Variants in CBFA2T2 observed in about 807,000 individuals in gnomAD.
CBFA2T2 encodes CBFA2/RUNX1 partner transcriptional co-repressor 2, also known as protein CBFA2T2.
CBFA2T2 carries 11 observed loss-of-function variants against 62.2 expected under a neutral mutation model. The observed-to-expected ratio is 0.18, with a 90% confidence interval of 0.11 to 0.29. The LOEUF is 0.29. Among genes scored for constraint, CBFA2T2 ranks in the 10% least tolerant of loss-of-function variants. The probability of loss-of-function intolerance (pLI) is 1.00; values close to 1 mark genes in which losing one functional copy is unlikely to be tolerated. For synonymous variants in CBFA2T2, 295 were observed against 287.5 expected (o/e 1.03, Z -0.27); for missense variants, 592 against 774.1 (o/e 0.76, Z 2.79).
intron 9 of CBFA2T2, 51 bp from the exon 10 acceptor site, chr20:33,640,290 G>A (rs1204813153): frequency 1.3e-6 from 2 of 1,536,892 alleles, no homozygotes; most frequent in Admixed American, 3.6e-5. Flanking sequence ...GCCGTGGGAT[G>A]GGAGGGAAAA....
chr20:33,508,391 C>T (rs1021600028), intron 1 of CBFA2T2, among the ~76,000 whole-genome samples: 5 of 151,946 alleles, frequency 3.3e-5, no homozygotes, highest in South Asian at 2.1e-4. Flanking sequence ...TACTGCACCC[C>T]GCCTGCCTTT....
intron 1 of CBFA2T2, among the ~76,000 whole-genome samples, chr20:33,559,306 T>A (rs987157676): frequency 6.6e-6 from 1 of 151,526 alleles, no homozygotes; most frequent in Non-Finnish European, 1.5e-5. Flanking sequence ...CCTGAGTAGC[T>A]GGAACTATAG....
intron 1 of CBFA2T2, among the ~76,000 whole-genome samples, chr20:33,537,233 C>G (rs183929448): frequency 1.3e-5 from 2 of 152,378 alleles, no homozygotes; most frequent in African/African-American, 4.8e-5. Context: ...GTCTGCAATC[C>G]CGGCACCTCG....
At chr20:33,512,603 A>G (rs2011529354) in intron 1 of CBFA2T2, among the ~76,000 whole-genome samples, 1 of 152,006 alleles carries the variant, frequency 6.6e-6, no homozygotes, top group Admixed American at 6.6e-5. Flanking sequence ...CCATTCTCAA[A>G]TTTCTGTCTA....
intron 1 of CBFA2T2, among the ~76,000 whole-genome samples, chr20:33,558,614 G>A (rs184960937): frequency 2.0e-5 from 3 of 151,944 alleles, no homozygotes; most frequent in South Asian, 2.1e-4. Flanking sequence ...TTGCTCAATC[G>A]TATTGTTTTA....
chr20:33,547,599 T>C (rs935126443), intron 1 of CBFA2T2, among the ~76,000 whole-genome samples: 22 of 151,758 alleles, frequency 1.4e-4, no homozygotes, highest in African/African-American at 5.1e-4. Context: ...GAGGATCACT[T>C]GAGGTGAGGA....
At chr20:33,518,831 C>CT (rs933803370) in intron 1 of CBFA2T2, among the ~76,000 whole-genome samples, 7 of 148,116 alleles carry the variant, frequency 4.7e-5, no homozygotes, top group Non-Finnish European at 6.0e-5. Context: ...TCTTTCTCTT[C>CT]TTTTTTTTGA....
chr20:33,508,681 T>G (rs1271269552), intron 1 of CBFA2T2, among the ~76,000 whole-genome samples: 1 of 152,204 alleles, frequency 6.6e-6, no homozygotes, highest in African/African-American at 2.4e-5. Flanking sequence ...ATGCGGTATT[T>G]GCTTTTCTTT....
chr20:33,511,371 A>T lies in CBFA2T2; in HGVS notation c.34+21070A>T, dbSNP rs1014113926. Among the ~76,000 whole-genome samples the T allele has an allele frequency of 5.9e-5, 9 of 152,310 alleles. No individual in the cohort carries two copies. The East Asian group carries it at 1.5e-3, about 26-fold the overall frequency. On this transcript the variant is annotated intron_variant, in intron 1 of 10. Coordinates refer to ENST00000342704, the MANE Select transcript of CBFA2T2 (RefSeq NM_001032999.3). ...CTACATATGGCTAGCCGGTTTTCCCAGCACCATTTATTAAATAGGGAATCC... is the reference window on the plus strand; with the variant it reads ...CTACATATGGCTAGCCGGTTTTCCCTGCACCATTTATTAAATAGGGAATCC...
At chr20:33,622,140 A>G (rs1348061511) in intron 4 of CBFA2T2, among the ~76,000 whole-genome samples, 1 of 152,222 alleles carries the variant, frequency 6.6e-6, no homozygotes, top group African/African-American at 2.4e-5. Flanking sequence ...AAAGAGTTTT[A>G]TATAGTCAAA....
chr20:33,616,605 T>C (rs2015721741), intron 3 of CBFA2T2, among the ~76,000 whole-genome samples: 1 of 151,850 alleles, frequency 6.6e-6, no homozygotes, highest in South Asian at 2.1e-4. Context: ...TGCACACCTG[T>C]AATCCCAGCT....
At chr20:33,528,433 A>G (rs1239603224) in intron 1 of CBFA2T2, among the ~76,000 whole-genome samples, 1 of 152,220 alleles carries the variant, frequency 6.6e-6, no homozygotes, top group African/African-American at 2.4e-5. Flanking sequence ...GACCTAGAGA[A>G]GAGCAGATCA....
intron 1 of CBFA2T2, among the ~76,000 whole-genome samples, chr20:33,594,397 T>A (rs2014797490): frequency 6.6e-6 from 1 of 152,032 alleles, no homozygotes; most frequent in South Asian, 2.1e-4. Context: ...AATTTTTATG[T>A]TTTTAGTAGA....
intron 1 of CBFA2T2, among the ~76,000 whole-genome samples, chr20:33,526,126 ATCC>A (rs766167330): frequency 9.2e-5 from 14 of 152,158 alleles, no homozygotes; most frequent in Non-Finnish European, 1.9e-4. Context: ...ATGTTAATGA[ATCC>A]TCCCGCCTTG....
At chr20:33,619,364 G>A (rs911539852) in intron 3 of CBFA2T2, among the ~76,000 whole-genome samples, 153 bp from the exon 4 acceptor site, 4 of 151,406 alleles carry the variant, frequency 2.6e-5, no homozygotes, top group African/African-American at 9.7e-5. Context: ...CCGAGACCGC[G>A]CCACTGCGCT....
chr20:33,536,986 C>A (rs1329127346), intron 1 of CBFA2T2, among the ~76,000 whole-genome samples: 3 of 151,334 alleles, frequency 2.0e-5, no homozygotes, highest in Admixed American at 2.0e-4. Context: ...CGGGAAGAGG[C>A]GCTCCTCACT....
intron 2 of CBFA2T2, among the ~76,000 whole-genome samples, chr20:33,609,314 A>G (rs565799070): frequency 8.5e-4 from 129 of 152,304 alleles, no homozygotes; most frequent in African/African-American, 2.8e-3. Context: ...CAGCCTGGCC[A>G]ACATGGTGAA....
chr20:33,625,879 G>T (rs1303637545), intron 6 of CBFA2T2, among the ~76,000 whole-genome samples: 1 of 152,026 alleles, frequency 6.6e-6, no homozygotes, highest in Non-Finnish European at 1.5e-5. Flanking sequence ...GAGGTGGGTG[G>T]ATCATGAGGT....
chr20:33,493,080 T>G (rs1052136627), intron 1 of CBFA2T2, among the ~76,000 whole-genome samples: 3 of 146,154 alleles, frequency 2.1e-5, no homozygotes, highest in Non-Finnish European at 4.5e-5. Context: ...TTTTTTTTTT[T>G]TTTTTTTTTT....
Sources: gnomAD v4.1 joint callset for allele counts (sites outside exome capture counted in the v4.1 genomes callset) on GRCh38, gnomAD v4.1.1 for gene constraint, MANE v1.5 for transcripts, NCBI Gene and HGNC (gene_info 2026-07-23, HGNC 2026-07-21) for gene names.